Variants in PHKB observed in about 807,000 individuals in gnomAD.
The protein encoded by PHKB is phosphorylase b kinase regulatory subunit beta.
PHKB carries 122 observed loss-of-function variants against 152.1 expected under a neutral mutation model. That is an observed-to-expected ratio of 0.80 (90% CI 0.69 to 0.93). The LOEUF is 0.93. Among genes scored for constraint, PHKB ranks in the 40% least tolerant of loss-of-function variants. The probability of loss-of-function intolerance (pLI) is 0.00; values close to 1 mark genes in which losing one functional copy is unlikely to be tolerated. For synonymous variants in PHKB, 436 were observed against 464.9 expected, an observed-to-expected ratio of 0.94 and a Z score of 0.80; for missense variants, 1,304 against 1,328.4, an observed-to-expected ratio of 0.98 and a Z score of 0.29.
At chr16:47,646,569 T>TA (rs1973130387) in intron 16 of PHKB, among the ~76,000 whole-genome samples, 4 of 104,792 alleles carry the variant, frequency 3.8e-5, no homozygotes, top group African/African-American at 1.7e-4. Flanking sequence ...AATAAAAAAA[T>TA]AATAAAAAAA....
At chr16:47,598,676 C>T (rs1213088901) in intron 13 of PHKB, 12 of 1,542,206 alleles carry the variant, frequency 7.8e-6, no homozygotes, top group Admixed American at 5.0e-5. Context: ...TTCCACTGAT[C>T]GGCAGGAGGC....
At chr16:47,523,947 C>G (rs948958192) in intron 6 of PHKB, among the ~76,000 whole-genome samples, 1 of 152,004 alleles carries the variant, frequency 6.6e-6, no homozygotes, top group African/African-American at 2.4e-5. Flanking sequence ...TGTTGCTAGT[C>G]TGCTGGTTTT....
intron 7 of PHKB, among the ~76,000 whole-genome samples, chr16:47,557,798 A>G (rs1271806018): frequency 6.6e-6 from 1 of 152,086 alleles, no homozygotes; most frequent in Non-Finnish European, 1.5e-5. Context: ...ACTGTAAACT[A>G]GTTCAACCAT....
At chr16:47,657,935 C>T (rs1214230766) in intron 20 of PHKB, among the ~76,000 whole-genome samples, 1 of 152,130 alleles carries the variant, frequency 6.6e-6, no homozygotes, top group Non-Finnish European at 1.5e-5. Context: ...TCCAAGCTAC[C>T]ATTGTCCCTC....
chr16:47,590,262 C>T (rs948420917), intron 10 of PHKB: 4 of 150,724 alleles, frequency 2.7e-5, no homozygotes, highest in African/African-American at 9.8e-5. Flanking sequence ...ACTAGACAAG[C>T]TATTTATCAT....
intron 18 of PHKB, 70 bp downstream of exon 18, chr16:47,649,274 A>G (rs1973191908): frequency 3.5e-6 from 3 of 866,424 alleles, no homozygotes; most frequent in Admixed American, 1.7e-5. Flanking sequence ...ATGTTACTAT[A>G]TTGAGTACTC....
intron 18 of PHKB, among the ~76,000 whole-genome samples, chr16:47,649,614 T>C (rs1973198625): frequency 6.6e-6 from 1 of 152,190 alleles, no homozygotes; most frequent in Admixed American, 6.5e-5. Flanking sequence ...CACTCCCTTT[T>C]CTACTGACAG....
intron 3 of PHKB, 80 bp downstream of exon 3, chr16:47,499,974 T>C: frequency 6.6e-7 from 1 of 1,507,738 alleles, no homozygotes. Context: ...TGAGCCGCTA[T>C]CTTTTGGCTC....
chr16:47,616,598 T>TG (rs1567328813), intron 14 of PHKB, among the ~76,000 whole-genome samples: 1 of 145,456 alleles, frequency 6.9e-6, no homozygotes, highest in Non-Finnish European at 1.5e-5. Context: ...TATTAATATA[T>TG]AATATTTTAC....
At chr16:47,567,360 A>G (rs2151685472) in intron 7 of PHKB, among the ~76,000 whole-genome samples, 1 of 152,200 alleles carries the variant, frequency 6.6e-6, no homozygotes, top group East Asian at 1.9e-4. Flanking sequence ...TTATTGATAC[A>G]TAGCAGTGCT....
chr16:47,646,913 A>G (rs1973138970), intron 16 of PHKB, among the ~76,000 whole-genome samples: 1 of 152,016 alleles, frequency 6.6e-6, no homozygotes, highest in Non-Finnish European at 1.5e-5. Context: ...TTATCAGGAG[A>G]TAGGAGTTTA....
chr16:47,618,794 T>A (rs1972567261), intron 14 of PHKB, among the ~76,000 whole-genome samples: 1 of 152,202 alleles, frequency 6.6e-6, no homozygotes, highest in Non-Finnish European at 1.5e-5. Flanking sequence ...TCCTATAAAT[T>A]ACTCCCGGAA....
intron 25 of PHKB, among the ~76,000 whole-genome samples, chr16:47,667,773 C>T (rs1026236560): frequency 2.0e-5 from 3 of 152,314 alleles, no homozygotes; most frequent in Non-Finnish European, 4.4e-5. Context: ...CCTTCAAGGT[C>T]ATCAGCACCT....
chr16:47,598,821 C>T (rs1472888753), intron 13 of PHKB: 29 of 1,601,080 alleles, frequency 1.8e-5, no homozygotes, highest in Middle Eastern at 2.3e-4. Flanking sequence ...CATCTGGTTC[C>T]GCTTTAACCA....
intron 7 of PHKB, among the ~76,000 whole-genome samples, chr16:47,569,307 A>G (rs1417890619): frequency 6.6e-6 from 1 of 152,160 alleles, no homozygotes; most frequent in Non-Finnish European, 1.5e-5. Flanking sequence ...GTTTTTTCTC[A>G]TATAAAATAG....
At chr16:47,637,463 G>A (rs1972941849) in intron 14 of PHKB, among the ~76,000 whole-genome samples, 1 of 152,206 alleles carries the variant, frequency 6.6e-6, no homozygotes, top group Non-Finnish European at 1.5e-5. Flanking sequence ...CCCAGTAGGT[G>A]TGGGCAATAT....
intron 6 of PHKB, among the ~76,000 whole-genome samples, chr16:47,542,477 A>G (rs1380279114): frequency 6.6e-6 from 1 of 152,150 alleles, no homozygotes; most frequent in Non-Finnish European, 1.5e-5. Flanking sequence ...TCTCTTGGCA[A>G]TGCGGGATCT....
At chr16:47,533,107 G>A (rs1447725870) in intron 6 of PHKB, among the ~76,000 whole-genome samples, 1 of 152,144 alleles carries the variant, frequency 6.6e-6, no homozygotes, top group Admixed American at 6.5e-5. Context: ...AGGAGTTTCT[G>A]GAGTGGGTTG....
intron 7 of PHKB, among the ~76,000 whole-genome samples, chr16:47,551,991 C>G (rs1310488591): frequency 6.6e-6 from 1 of 152,094 alleles, no homozygotes; most frequent in Non-Finnish European, 1.5e-5. Flanking sequence ...CTTTCTTGAT[C>G]TTTGTTGATT....
Sources: gnomAD v4.1 joint callset for allele counts (sites outside exome capture counted in the v4.1 genomes callset) on GRCh38, gnomAD v4.1.1 for gene constraint, MANE v1.5 for transcripts, NCBI Gene and HGNC (gene_info 2026-07-23, HGNC 2026-07-21) for gene names.